Variants in PDE1C observed in about 807,000 individuals in gnomAD.
PDE1C encodes the protein phosphodiesterase 1C, also known as dual specificity calcium/calmodulin-dependent 3',5'-cyclic nucleotide phosphodiesterase 1C.
In PDE1C, 62 loss-of-function variants were observed where a neutral mutation model predicts 93.1. The observed-to-expected ratio is 0.67, with a 90% confidence interval of 0.54 to 0.82. PDE1C has a LOEUF of 0.82. Ranked by LOEUF, PDE1C falls within the 40% of genes least tolerant of loss-of-function variation. The pLI is 0.00. For missense variants in PDE1C, 742 were observed against 884.6 expected, an observed-to-expected ratio of 0.84 and a Z score of 2.04; for synonymous variants, 325 against 310.1, an observed-to-expected ratio of 1.05 and a Z score of -0.50.
At chr7:32,335,503 T>A (rs77745954) in intron 1 of PDE1C, among the ~76,000 whole-genome samples, 2 of 152,186 alleles carry the variant, frequency 1.3e-5, no homozygotes. Flanking sequence ...GACTAGAAGT[T>A]CAAGATGATC....
intron 1 of PDE1C, among the ~76,000 whole-genome samples, chr7:32,372,871 A>T (rs1007447136): frequency 6.6e-6 from 1 of 152,252 alleles, no homozygotes; most frequent in Admixed American, 6.5e-5. Flanking sequence ...GCTCAACATC[A>T]TTAGCCATTA....
the PDE1C span, among the ~76,000 whole-genome samples, chr7:31,727,993 G>C: frequency 5.9e-5 from 9 of 152,126 alleles, no homozygotes; most frequent in African/African-American, 2.2e-4. Context: ...GTAGTGAGCT[G>C]AGATCTCACC....
intron 2 of PDE1C, among the ~76,000 whole-genome samples, chr7:32,186,354 G>A (rs1317349641): frequency 1.3e-5 from 2 of 151,024 alleles, no homozygotes; most frequent in Non-Finnish European, 3.0e-5. Flanking sequence ...CACCCGCCTC[G>A]GCCTCCCAAA....
chr7:32,270,306 T>G (rs1810875436), intron 1 of PDE1C, among the ~76,000 whole-genome samples: 1 of 151,910 alleles, frequency 6.6e-6, no homozygotes, highest in Non-Finnish European at 1.5e-5. Flanking sequence ...TTTTTTTCTC[T>G]TTTTACAATA....
intron 17 of PDE1C, among the ~76,000 whole-genome samples, chr7:31,772,510 CTCTT>C (rs751406807): frequency 6.7e-6 from 1 of 149,422 alleles, no homozygotes. Flanking sequence ...TTCTCTCTCT[CTCTT>C]TTTTTTTTTT....
intron 17 of PDE1C, among the ~76,000 whole-genome samples, chr7:31,768,982 G>A (rs1263801974): frequency 6.6e-6 from 1 of 152,078 alleles, no homozygotes; most frequent in Non-Finnish European, 1.5e-5. Context: ...TTTTAGTAGA[G>A]ATGGGGTTTT....
chr7:31,766,891 A>G (rs991274657), intron 17 of PDE1C, among the ~76,000 whole-genome samples: 2 of 152,212 alleles, frequency 1.3e-5, no homozygotes, highest in African/African-American at 2.4e-5. Context: ...TCAAATAACT[A>G]GCTTTATATT....
intron 7 of PDE1C, among the ~76,000 whole-genome samples, chr7:31,864,449 T>C (rs1795039618): frequency 2.0e-5 from 3 of 152,166 alleles, no homozygotes; most frequent in African/African-American, 7.2e-5. Context: ...TGGTTAGAAG[T>C]AAAGATTTAC....
chr7:31,835,543 T>C (rs1391060495), intron 11 of PDE1C, among the ~76,000 whole-genome samples: 1 of 151,732 alleles, frequency 6.6e-6, no homozygotes, highest in African/African-American at 2.4e-5. Flanking sequence ...TGTGTGTGTG[T>C]GTGTGTGTGT....
the PDE1C span, among the ~76,000 whole-genome samples, chr7:31,641,137 G>A: frequency 6.6e-6 from 1 of 152,130 alleles, no homozygotes; most frequent in African/African-American, 2.4e-5. Flanking sequence ...TGCTGCTCTT[G>A]TGAGTGGAAC....
chr7:32,416,310 G>C (rs114948612), intron 1 of PDE1C, among the ~76,000 whole-genome samples: 1 of 152,166 alleles, frequency 6.6e-6, no homozygotes, highest in African/African-American at 2.4e-5. Context: ...CATATTCAAG[G>C]ATAAGGATGA....
chr7:31,720,057 G>A, the PDE1C span, among the ~76,000 whole-genome samples: 5 of 151,110 alleles, frequency 3.3e-5, no homozygotes, highest in Non-Finnish European at 7.4e-5. Context: ...CAGCTACTCG[G>A]GAGGCTGAGG....
chr7:32,342,051 G>A (rs1159957519), intron 1 of PDE1C, among the ~76,000 whole-genome samples: 5 of 52,700 alleles, frequency 9.5e-5, no homozygotes, highest in South Asian at 3.2e-4. Context: ...ATAAATATAT[G>A]TAATAATTTA....
At chr7:31,790,673 C>T (rs1784486942) in intron 16 of PDE1C, among the ~76,000 whole-genome samples, 1 of 152,032 alleles carries the variant, frequency 6.6e-6, no homozygotes, top group African/African-American at 2.4e-5. Flanking sequence ...AATACTCCTC[C>T]CTCTCAGAAT....
chr7:31,705,075 A>G, the PDE1C span, among the ~76,000 whole-genome samples: 200 of 152,352 alleles, frequency 1.3e-3, no homozygotes, highest in African/African-American at 4.5e-3. Context: ...CTGTATTAAT[A>G]TAAAATGCTG....
the PDE1C span, among the ~76,000 whole-genome samples, chr7:31,659,819 T>C: frequency 6.6e-6 from 1 of 152,196 alleles, no homozygotes; most frequent in Admixed American, 6.5e-5. Context: ...TCTATTTTAT[T>C]CACCTTTTTA....
chr7:31,785,247 A>AG (rs1158869801), intron 16 of PDE1C: 1 of 152,258 alleles, frequency 6.6e-6, no homozygotes, highest in East Asian at 1.9e-4. Flanking sequence ...CACCCCACAA[A>AG]GGGGGACAAG....
At chr7:31,939,900 G>A (rs1342686820) in intron 2 of PDE1C, among the ~76,000 whole-genome samples, 1 of 152,130 alleles carries the variant, frequency 6.6e-6, no homozygotes, top group African/African-American at 2.4e-5. Context: ...GAAAAAGGAG[G>A]CATGTTTGGC....
At chr7:32,149,699 C>G (rs1451537238) in intron 3 of PDE1C, among the ~76,000 whole-genome samples, 1 of 152,092 alleles carries the variant, frequency 6.6e-6, no homozygotes, top group Admixed American at 6.6e-5. Context: ...ACTATGTGAT[C>G]AAAGGAGTTA....
Sources: allele counts gnomAD v4.1 joint callset (sites outside exome capture counted in the v4.1 genomes callset), GRCh38; gene constraint gnomAD v4.1.1; transcripts MANE v1.5; gene names NCBI Gene and HGNC (gene_info 2026-07-23, HGNC 2026-07-21).